The following SEMA5A variants were observed in gnomAD, a reference collection of about 807,000 sequenced individuals.
SEMA5A encodes semaphorin 5A.
In SEMA5A, 55 loss-of-function variants were observed where a neutral mutation model predicts 135.5. That is an observed-to-expected ratio of 0.41 (90% confidence interval 0.33 to 0.51). The LOEUF (loss-of-function observed/expected upper bound fraction) is 0.51. Ranked by LOEUF, SEMA5A falls within the 20% of genes least tolerant of loss-of-function variation. The probability of loss-of-function intolerance (pLI) is 0.37; values close to 1 mark genes in which losing one functional copy is unlikely to be tolerated. For synonymous variants in SEMA5A, 580 were observed against 546.5 expected, an observed-to-expected ratio of 1.06 and a Z score of -0.85; for missense variants, 1,290 against 1,419.9, an observed-to-expected ratio of 0.91 and a Z score of 1.47.
In SEMA5A at chr5:9,051,975, C is replaced by T; in HGVS notation, c.2743G>A (p.Val915Ile). 1 of 1,613,790 alleles carries T rather than the reference C, an allele frequency of 6.2e-7. No individual in the cohort carries two copies. The highest frequency in any genetic ancestry group is 8.5e-7 in the Non-Finnish European group (1 of 1,179,856). The change falls in exon 20 of 23, where the codon GTC becomes ATC. Residue 915 changes from valine to isoleucine, a missense_variant. Val to Ile is a conservative substitution (Grantham distance 29). Transcript: ENST00000382496. ...WSECEASGVQ[V>I]RARQCILLFP... ...AGGAGGATGCACTGGCGGGCGCGGA[C>T]TTGGACGCCAGAGGCTTCACACTCA...
chr5:9,296,739 A>G (rs1751351819), intron 5 of SEMA5A, among the ~76,000 whole-genome samples: 1 of 152,080 alleles, frequency 6.6e-6, no homozygotes, highest in South Asian at 2.1e-4. Context: ...TATGGTTTCT[A>G]AATTTCAGGA....
chr5:9,351,409 TTATGA>T (rs1754108656), intron 3 of SEMA5A, among the ~76,000 whole-genome samples: 3 of 152,340 alleles, frequency 2.0e-5, no homozygotes, highest in South Asian at 4.1e-4. Context: ...CAAATGCCAC[TTATGA>T]TATAATTAGT....
chr5:9,373,246 T>C (rs1755219294), intron 3 of SEMA5A, among the ~76,000 whole-genome samples: 1 of 152,166 alleles, frequency 6.6e-6, no homozygotes. Flanking sequence ...AAGGAAAATA[T>C]AGGATCCATG....
Position 9,533,606 on chromosome 5 carries a change from C to T in SEMA5A, c.-175+11978G>A, listed in dbSNP as rs550392566. On this transcript the variant is annotated intron_variant, in intron 1 of 22. Coordinates refer to ENST00000382496, the MANE Select transcript of SEMA5A (RefSeq NM_003966.3). ...ATTTAATTAAGTGAATCCAATTAAT[C>T]ATGTGAAAGTTAATGTGGGAAAAGG... 9.2e-5 allele frequency among the ~76,000 whole-genome samples: 14 copies of T among 152,262 alleles called. No individual in the cohort carries two copies. The East Asian group carries it at 2.7e-3, about 29-fold the overall frequency.
intron 8 of SEMA5A, among the ~76,000 whole-genome samples, chr5:9,211,991 G>A (rs142903804): frequency 7.2e-4 from 109 of 152,296 alleles, no homozygotes; most frequent in African/African-American, 2.5e-3. Context: ...AACTCAGTGG[G>A]ATAAGTACAC....
chr5:9,301,158 CATGAGCTAA>C (rs1751593332), intron 5 of SEMA5A, among the ~76,000 whole-genome samples: 2 of 152,294 alleles, frequency 1.3e-5, no homozygotes, highest in African/African-American at 4.8e-5. Flanking sequence ...TCATGAGTTA[CATGAGCTAA>C]ATGACTTCCT....
intron 1 of SEMA5A, chr5:9,511,286 ATC>A: frequency 6.6e-6 from 1 of 152,088 alleles, no homozygotes; most frequent in East Asian, 1.9e-4. Flanking sequence ...TGTTCCTCTT[ATC>A]TCTGTTACTC....
At chr5:9,118,179 A>T (rs1454762370) in intron 15 of SEMA5A, among the ~76,000 whole-genome samples, 1 of 152,208 alleles carries the variant, frequency 6.6e-6, no homozygotes, top group Non-Finnish European at 1.5e-5. Context: ...TTTTAATTAA[A>T]ATGCACTGAA....
intron 16 of SEMA5A, among the ~76,000 whole-genome samples, chr5:9,106,660 CA>C: frequency 6.6e-6 from 1 of 152,294 alleles, no homozygotes; most frequent in Admixed American, 6.5e-5. Flanking sequence ...CATTCTTCAG[CA>C]AAATACAAAG....
intron 11 of SEMA5A, among the ~76,000 whole-genome samples, chr5:9,172,526 T>C (rs1743981541): frequency 6.6e-6 from 1 of 152,212 alleles, no homozygotes; most frequent in South Asian, 2.1e-4. Flanking sequence ...CTAAAAATCA[T>C]AACTTTTTTA....
At chr5:9,382,495 G>A (rs1805929) in intron 2 of SEMA5A, among the ~76,000 whole-genome samples, 3,886 of 152,208 alleles carry the variant, frequency 0.026, 167 homozygotes, top group African/African-American at 0.088. Context: ...AGATTTGAGG[G>A]TGTATCAAAT....
At chr5:9,381,349 T>C (rs1192045665) in intron 2 of SEMA5A, among the ~76,000 whole-genome samples, 2 of 152,200 alleles carry the variant, frequency 1.3e-5, no homozygotes, top group African/African-American at 4.8e-5. Context: ...TAATGGAAAC[T>C]ACGGCAAATT....
chr5:9,226,997 A>C, intron 6 of SEMA5A, 30 bp from the exon 7 acceptor site: 1 of 908,252 alleles, frequency 1.1e-6, no homozygotes, highest in Admixed American at 4.9e-5. Flanking sequence ...TTAATTAAAA[A>C]TATATATATA....
intron 1 of SEMA5A, among the ~76,000 whole-genome samples, chr5:9,507,277 T>C: frequency 6.6e-6 from 1 of 152,164 alleles, no homozygotes. Context: ...TCCCAGAGTA[T>C]TTGGTGCAGA....
At chr5:9,092,004 G>T (rs1057484195) in intron 16 of SEMA5A, among the ~76,000 whole-genome samples, 22 of 152,164 alleles carry the variant, frequency 1.4e-4, no homozygotes, top group Non-Finnish European at 4.4e-5. Flanking sequence ...AACACCTGTG[G>T]CTTGCTTTCA....
At chr5:9,471,600 G>A (rs911043604) in intron 1 of SEMA5A, among the ~76,000 whole-genome samples, 1 of 152,104 alleles carries the variant, frequency 6.6e-6, no homozygotes, top group Non-Finnish European at 1.5e-5. Flanking sequence ...TAACCCGTCC[G>A]ATTAGAAACT....
chr5:9,162,120 T>C (rs928116713), intron 11 of SEMA5A, among the ~76,000 whole-genome samples: 2 of 152,224 alleles, frequency 1.3e-5, no homozygotes, highest in Admixed American at 1.3e-4. Flanking sequence ...CTGTTTGCTT[T>C]GTAGAGTTTT....
intron 1 of SEMA5A, among the ~76,000 whole-genome samples, chr5:9,470,760 C>G (rs911938677): frequency 6.6e-6 from 1 of 152,190 alleles, no homozygotes; most frequent in African/African-American, 2.4e-5. Context: ...AATCAGCCTG[C>G]CTCCCAAAGA....
chr5:9,463,988 C>T (rs752239087), intron 1 of SEMA5A, among the ~76,000 whole-genome samples: 1 of 152,140 alleles, frequency 6.6e-6, no homozygotes. Flanking sequence ...ATGCTGTATT[C>T]AGATTTTCTA....
Sources: allele counts gnomAD v4.1 joint callset (sites outside exome capture counted in the v4.1 genomes callset), GRCh38; gene constraint gnomAD v4.1.1; transcripts MANE v1.5; gene names NCBI Gene and HGNC (gene_info 2026-07-23, HGNC 2026-07-21).